AGL: variants seen among roughly 807,000 people sequenced by gnomAD.
AGL encodes the protein amylo-alpha-1,6-glucosidase and 4-alpha-glucanotransferase.
A neutral mutation model predicts 199.3 loss-of-function variants in AGL; 128 were observed. That is an observed-to-expected ratio of 0.64 (90% CI 0.56 to 0.74). The LOEUF (loss-of-function observed/expected upper bound fraction) is 0.74, where lower values mean the gene tolerates loss of function less well. Among genes scored for constraint, AGL ranks in the 30% least tolerant of loss-of-function variants. The probability of loss-of-function intolerance (pLI) is 0.00; values close to 1 mark genes in which losing one functional copy is unlikely to be tolerated. For missense variants in AGL, 1,809 were observed against 1,820.8 expected (o/e 0.99, Z 0.12); for synonymous variants, 584 against 594.7 (o/e 0.98, Z 0.26).
chr1:99,862,238 G>T lies in AGL; in HGVS notation c.294-19G>T, dbSNP rs1357257505. Reference sequence around the variant, plus strand: ...TTCTATCACTGACTGAAAAGTTTTTGTTTTGTTTTTTCCCTTAGAAATGAG... The same window carrying T: ...TTCTATCACTGACTGAAAAGTTTTTTTTTTGTTTTTTCCCTTAGAAATGAG... On this transcript the variant is annotated intron_variant, in intron 3 of 33. Coordinates refer to ENST00000361915, the MANE Select transcript of AGL (RefSeq NM_000642.3). 1 of 1,613,542 alleles carries T rather than the reference G, an allele frequency of 6.2e-7. No homozygotes were observed. Among genetic ancestry groups the T allele is most frequent in the African/African-American group, 1.3e-5 (1 of 74,846 alleles).
In AGL at chr1:99,910,966, G is replaced by A. The variant is rs544676220; in HGVS notation, c.3836+119G>A. ...ACATTAAGTCAATCAAAATTTCCCTGCCTTCTTCCCTTCATCTCCCCATTA... is the reference window on the plus strand; with the variant it reads ...ACATTAAGTCAATCAAAATTTCCCTACCTTCTTCCCTTCATCTCCCCATTA... On this transcript the variant is annotated intron_variant, in intron 28 of 33. Transcript: ENST00000361915. The A allele has an allele frequency of 1.6e-3, 1,705 of 1,098,216 alleles. 1 individual carries two copies. Among genetic ancestry groups the A allele is most frequent in the Non-Finnish European group, 2.0e-3 (1,507 of 748,192 alleles). The allele number at this position is 1,098,216 out of a possible 1,614,324, so 68.0% of individuals were successfully genotyped here. A position where few individuals can be genotyped will look rare whatever the true frequency, so the allele number is the denominator to read the frequency against.
chr1:99,900,872 T>C lies in AGL; in HGVS notation c.3588+11T>C. 6.3e-7 allele frequency: 1 copy of C among 1,580,452 alleles called. No individual in the cohort carries two copies. Among genetic ancestry groups the C allele is most frequent in the South Asian group, 1.1e-5 (1 of 87,652 alleles). On this transcript the variant is annotated intron_variant, in intron 26 of 33. Coordinates refer to ENST00000361915, the MANE Select transcript of AGL (RefSeq NM_000642.3). ...CCTGCTGGCACACTGGTAAAGATAT[T>C]TCTTAAAATGTTTTTTTGTTTTTTT... is the stretch of plus-strand genomic sequence containing the variant.
intron 25 of AGL, 78 bp from the exon 26 acceptor site, chr1:99,900,558 A>C: frequency 7.5e-7 from 1 of 1,338,892 alleles, no homozygotes; most frequent in Non-Finnish European, 1.1e-6. Flanking sequence ...AAATATAGTC[A>C]CCAAAAGTGA....
At chr1:99,895,727 C>T (rs1307625226) in intron 24 of AGL, among the ~76,000 whole-genome samples, 2 of 152,150 alleles carry the variant, frequency 1.3e-5, no homozygotes, top group African/African-American at 4.8e-5. Context: ...GTAATCCTAG[C>T]ACTTTGGGAA....
rs1653751494 is a variant in AGL, at chr1:99,900,645, T to G, written c.3372T>G (p.Ile1124Met). Residue 1124 changes from isoleucine (I) to methionine (M), a missense_variant, in exon 26 of 34, where the codon ATT (isoleucine) becomes ATG (methionine). By Grantham distance (10) the Ile-to-Met change is conservative. Coordinates refer to ENST00000361915, the MANE Select transcript of AGL (RefSeq NM_000642.3). Reference protein sequence around the residue: ...TGRYVEARNIILAFAGTLRHG... With the variant: ...TGRYVEARNIMLAFAGTLRHG... ...AATTCTGTTGTTTTAGGAATATTAT[T>G]TTAGCATTTGCGGGTACCCTGAGGC... is the stretch of plus-strand genomic sequence containing the variant. The G allele has an allele frequency of 6.2e-7, 1 of 1,613,626 alleles. No homozygotes were observed. Among genetic ancestry groups the G allele is most frequent in the Non-Finnish European group, 8.5e-7 (1 of 1,179,510 alleles).
Position 99,861,757 on chromosome 1 carries a change from C to CT in AGL, c.293+45dup, listed in dbSNP as rs749568382. ...TTGTGAGAAAAAAAGTTAATTTGTT[C>CT]TGTAATTTGAAGTCACCTAACTTGT... On this transcript the variant is annotated intron_variant, in intron 3 of 33. Coordinates refer to ENST00000361915, the MANE Select transcript of AGL (RefSeq NM_000642.3). The CT allele has an allele frequency of 6.2e-6, 10 of 1,601,556 alleles. No homozygotes were observed. In the Admixed American group the frequency reaches 1.7e-4, roughly 27 times the overall value.
In AGL at chr1:99,876,604, A is replaced by T; in HGVS notation, c.1423+7A>T. 1 of 1,613,932 alleles carries T rather than the reference A, an allele frequency of 6.2e-7. No homozygotes were observed. Among genetic ancestry groups the T allele is most frequent in the South Asian group, 1.1e-5 (1 of 91,082 alleles). On this transcript the variant is annotated splice_region_variant and intron_variant, in intron 11 of 33. Transcript: ENST00000361915. ...CGAAACTTTGCTGAACCGGGTATGT[A>T]ATTTTTAACTTCTCTGTGGATGGGG...
At chr1:99,855,113 A>G (rs1265045626) in intron 2 of AGL, among the ~76,000 whole-genome samples, 1 of 152,106 alleles carries the variant, frequency 6.6e-6, no homozygotes, top group Admixed American at 6.5e-5. Flanking sequence ...AGGCAGGAGA[A>G]TTGCTTGAAT....
intron 7 of AGL, 157 bp from the exon 8 acceptor site, chr1:99,874,530 G>A: frequency 2.8e-6 from 2 of 717,682 alleles, no homozygotes; most frequent in South Asian, 1.7e-5. Flanking sequence ...CGTGCACACA[G>A]CAGGATGAGA....
intron 25 of AGL, among the ~76,000 whole-genome samples, chr1:99,900,277 A>C (rs568738941): frequency 6.6e-6 from 1 of 152,086 alleles, no homozygotes; most frequent in South Asian, 2.1e-4. Flanking sequence ...CTGCTATTTA[A>C]AATAATTAAG....
chr1:99,876,171 A>G (rs1651517676), intron 10 of AGL, among the ~76,000 whole-genome samples: 1 of 152,232 alleles, frequency 6.6e-6, no homozygotes, highest in Admixed American at 6.5e-5. Context: ...CACCATGCCC[A>G]GCTGCCTCAA....
chr1:99,910,629 A>G (rs1294109182), intron 27 of AGL, 83 bp from the exon 28 acceptor site: 25 of 716,478 alleles, frequency 3.5e-5, no homozygotes, highest in Non-Finnish European at 4.8e-5. Context: ...TTATATTTAA[A>G]ATTTTGTAAA....
chr1:99,900,899 T>TG (rs759128258), intron 26 of AGL, 38 bp downstream of exon 26: 4 of 1,516,606 alleles, frequency 2.6e-6, no homozygotes, highest in Non-Finnish European at 3.6e-6. Flanking sequence ...TGTTTTTTTT[T>TG]TTTTTTCTGA....
At chr1:99,861,402 T>G in intron 2 of AGL, 101 bp from the exon 3 acceptor site, 2 of 1,566,410 alleles carry the variant, frequency 1.3e-6, no homozygotes, top group Non-Finnish European at 1.7e-6. Context: ...TAAACATAAT[T>G]GAAAAATCAA....
intron 11 of AGL, among the ~76,000 whole-genome samples, 195 bp downstream of exon 11, chr1:99,876,792 T>A (rs374167468): frequency 2.6e-5 from 4 of 152,356 alleles, no homozygotes; most frequent in East Asian, 1.9e-4. Flanking sequence ...TCTTCTGTCC[T>A]CTCCTTTGCC....
intron 30 of AGL, among the ~76,000 whole-genome samples, chr1:99,914,248 G>A (rs1490272296): frequency 6.6e-6 from 1 of 152,182 alleles, no homozygotes; most frequent in East Asian, 1.9e-4. Context: ...GAAAGCTGAG[G>A]GTCTCTGTAT....
At chr1:99,854,601 A>G (rs1649257194) in intron 2 of AGL, among the ~76,000 whole-genome samples, 1 of 151,696 alleles carries the variant, frequency 6.6e-6, no homozygotes, top group Non-Finnish European at 1.5e-5. Context: ...TCTCTACTAA[A>G]AATACAAAAA....
In AGL at chr1:99,923,545, A is replaced by G. The variant is rs1655655318; in HGVS notation, c.*1894A>G. ...TTAGGATATTGTGTTGCACTAGAAA[A>G]CTAAGTGGTTCATATTTCTAATGAG... is the stretch of plus-strand genomic sequence containing the variant. On this transcript the variant is annotated 3_prime_UTR_variant, in exon 34 of 34. Coordinates refer to ENST00000361915, the MANE Select transcript of AGL (RefSeq NM_000642.3). 6.6e-6 allele frequency: 1 copy of G among 152,186 alleles called. No individual in the cohort carries two copies. Among genetic ancestry groups the G allele is most frequent in the African/African-American group, 2.4e-5 (1 of 41,466 alleles). 9.4% of individuals were successfully genotyped at this position (152,186 alleles called of 1,614,324 possible).
intron 2 of AGL, among the ~76,000 whole-genome samples, chr1:99,855,326 C>T (rs1571213626): frequency 6.6e-6 from 1 of 152,086 alleles, no homozygotes; most frequent in South Asian, 2.1e-4. Flanking sequence ...TTTAATTGGT[C>T]ATCAAAGCCC....
Sources: allele counts gnomAD v4.1 joint callset (sites outside exome capture counted in the v4.1 genomes callset), GRCh38; gene constraint gnomAD v4.1.1; transcripts MANE v1.5; gene names NCBI Gene and HGNC (gene_info 2026-07-23, HGNC 2026-07-21).